The following ADARB2 variants were observed in gnomAD, a reference collection of about 807,000 sequenced individuals.
The protein encoded by ADARB2 is inactive double-stranded RNA-specific editase B2.
Under a neutral mutation model 62.2 loss-of-function variants are expected in ADARB2, and 25 were observed. That is an observed-to-expected ratio of 0.40 (90% CI 0.29 to 0.56). The LOEUF is 0.56. Among genes scored for constraint, ADARB2 ranks in the 20% least tolerant of loss-of-function variants. The pLI is 0.43. For synonymous variants in ADARB2, 572 were observed against 500.8 expected (o/e 1.14, Z -1.90); for missense variants, 1,071 against 1,077.4 (o/e 0.99, Z 0.08).
rs1380459661 is a variant in ADARB2, at chr10:1,584,631, C to T, written c.100+152420G>A. On this transcript the variant is annotated intron_variant, in intron 1 of 9. Transcript: ENST00000381312. ...TTTAAAACTTATGTCCACGCAAAAA[C>T]CTGCACTTGGATGGTTGTAGGAGCT... Among the ~76,000 whole-genome samples, 6 of 152,198 alleles carry T rather than the reference C, an allele frequency of 3.9e-5. No homozygotes were observed. The South Asian group carries it at 1.2e-3, about 32-fold the overall frequency.
intron 1 of ADARB2, among the ~76,000 whole-genome samples, chr10:1,383,686 G>A (rs1171773464): frequency 6.6e-6 from 1 of 152,180 alleles, no homozygotes; most frequent in African/African-American, 2.4e-5. Flanking sequence ...ATAGTCACTG[G>A]GACACGTCTT....
At chr10:1,478,812 A>G (rs529038954) in intron 1 of ADARB2, among the ~76,000 whole-genome samples, 1 of 151,658 alleles carries the variant, frequency 6.6e-6, no homozygotes, top group Non-Finnish European at 1.5e-5. Flanking sequence ...CAAAATAAGG[A>G]CCTTCGGACG....
chr10:1,458,707 C>T (rs79729463), intron 1 of ADARB2, among the ~76,000 whole-genome samples: 7,148 of 152,230 alleles, frequency 0.047, 470 homozygotes, highest in African/African-American at 0.15. Context: ...TCTTAAATAA[C>T]GAGGGCGGTA....
chr10:1,195,015 C>A (rs1217886929), intron 8 of ADARB2, among the ~76,000 whole-genome samples: 1 of 152,188 alleles, frequency 6.6e-6, no homozygotes, highest in East Asian at 1.9e-4. Flanking sequence ...GAGTGGAGAC[C>A]ATTTCAAGCT....
At chr10:1,625,639 G>C (rs1833756910) in intron 1 of ADARB2, among the ~76,000 whole-genome samples, 2 of 152,152 alleles carry the variant, frequency 1.3e-5, no homozygotes, top group African/African-American at 4.8e-5. Flanking sequence ...GAGTGTCCAA[G>C]TGTCATCACA....
chr10:1,244,518 G>T (rs148050044), intron 4 of ADARB2, among the ~76,000 whole-genome samples: 1 of 152,104 alleles, frequency 6.6e-6, no homozygotes, highest in Admixed American at 6.5e-5. Flanking sequence ...TCCCAGCTCC[G>T]TTTGGCTCCA....
At chr10:1,271,275 G>A (rs973792407) in intron 3 of ADARB2, among the ~76,000 whole-genome samples, 1 of 152,204 alleles carries the variant, frequency 6.6e-6, no homozygotes, top group East Asian at 1.9e-4. Context: ...CATATTGAGT[G>A]GCTTATGAGT....
intron 3 of ADARB2, among the ~76,000 whole-genome samples, chr10:1,322,150 T>C (rs1233550406): frequency 1.3e-5 from 2 of 152,142 alleles, no homozygotes; most frequent in African/African-American, 4.8e-5. Flanking sequence ...GTGTTTTTAA[T>C]GAAGCCCTTG....
chr10:1,540,788 CAGACCCTGGATCACA>C, intron 1 of ADARB2, among the ~76,000 whole-genome samples: 1 of 49,184 alleles, frequency 2.0e-5, no homozygotes. Context: ...AGATGTAGTT[CAGACCCTGGATCACA>C]GCCATCCAGA....
intron 6 of ADARB2, among the ~76,000 whole-genome samples, chr10:1,221,567 C>G (rs12256715): frequency 0.26 from 38,594 of 150,204 alleles, 5,321 homozygotes; most frequent in African/African-American, 0.33. Flanking sequence ...TCCCTCCCCC[C>G]TCACCCCACC....
At chr10:1,350,721 C>G (rs1180513078) in intron 3 of ADARB2, among the ~76,000 whole-genome samples, 4 of 152,126 alleles carry the variant, frequency 2.6e-5, no homozygotes, top group Non-Finnish European at 5.9e-5. Context: ...CCTGAAAGGT[C>G]AAAAGGTCAT....
In ADARB2 at chr10:1,672,828, G is replaced by GT. The variant is rs573839780; in HGVS notation, c.100+64222dup. ...CTCCACGTCTGGTTTTCCTGATGGAGTAAGTTACTGAGGACAAATCATTTT... is the reference window on the plus strand; with the variant it reads ...CTCCACGTCTGGTTTTCCTGATGGAGTTAAGTTACTGAGGACAAATCATTTT... On this transcript the variant is annotated intron_variant, in intron 1 of 9. Transcript: ENST00000381312. Among the ~76,000 whole-genome samples the GT allele has an allele frequency of 5.5e-3, 805 of 145,080 alleles. 5 individuals are homozygous for GT. Among genetic ancestry groups the GT allele is most frequent in the Middle Eastern group, 0.011 (3 of 284 alleles).
chr10:1,590,834 G>A (rs11591324), intron 1 of ADARB2, among the ~76,000 whole-genome samples: 26,359 of 152,084 alleles, frequency 0.17, 2,577 homozygotes, highest in Non-Finnish European at 0.22. Flanking sequence ...TGCTCAGCAC[G>A]GGAAACGCAG....
intron 1 of ADARB2, among the ~76,000 whole-genome samples, chr10:1,531,477 C>T (rs1008051729): frequency 5.9e-5 from 9 of 152,250 alleles, no homozygotes; most frequent in African/African-American, 2.2e-4. Flanking sequence ...CCAACTGCAG[C>T]TCAGTCAAGC....
At chr10:1,290,538 A>G (rs1831456870) in intron 3 of ADARB2, 1 of 152,226 alleles carries the variant, frequency 6.6e-6, no homozygotes, top group African/African-American at 2.4e-5. Flanking sequence ...CCCTATGTTT[A>G]AATTCTAGCT....
intron 1 of ADARB2, among the ~76,000 whole-genome samples, chr10:1,650,629 T>C (rs192247181): frequency 1.3e-5 from 2 of 152,298 alleles, no homozygotes; most frequent in African/African-American, 4.8e-5. Context: ...AGTTAATCTG[T>C]CCCTTACTAT....
At position 1,674,239 on chromosome 10, in the gene ADARB2, C is replaced by A. The variant is rs1834432069; in HGVS notation, c.100+62812G>T. On this transcript the variant is annotated intron_variant, in intron 1 of 9. Transcript: ENST00000381312. ...ATCCATTTTTTAAAGCCTCCAACCC[C>A]CTTGTGAGAAAATTGGCAACTGTGG... is the stretch of plus-strand genomic sequence containing the variant. Among the ~76,000 whole-genome samples, 4 of 152,294 alleles carry A rather than the reference C, an allele frequency of 2.6e-5. 1 individual carries two copies. The South Asian group carries it at 8.3e-4, about 32-fold the overall frequency.
chr10:1,554,862 AC>A lies in ADARB2; in HGVS notation c.101-175703del, dbSNP rs138134559. ...TCGTGCCCCAGGTAGTGAGCATAGA[AC>A]CCAATAGTTTTTCAACCCTGTCCCC... On this transcript the variant is annotated intron_variant, in intron 1 of 9. Coordinates refer to ENST00000381312, the MANE Select transcript of ADARB2 (RefSeq NM_018702.4). 1.8e-3 allele frequency among the ~76,000 whole-genome samples: 272 copies of A among 152,058 alleles called. 3 individuals carry two copies. Among genetic ancestry groups the A allele is most frequent in the African/African-American group, 6.4e-3 (264 of 41,464 alleles).
intron 3 of ADARB2, among the ~76,000 whole-genome samples, chr10:1,326,947 C>CT (rs1554754411): frequency 1.5e-5 from 1 of 66,194 alleles, no homozygotes; most frequent in Non-Finnish European, 3.5e-5. Context: ...CGCCTCCCCA[C>CT]GGCACAGCGC....
Sources: allele counts gnomAD v4.1 joint callset (sites outside exome capture counted in the v4.1 genomes callset), GRCh38; gene constraint gnomAD v4.1.1; transcripts MANE v1.5; gene names NCBI Gene and HGNC (gene_info 2026-07-23, HGNC 2026-07-21).